MSI2: variants seen among roughly 807,000 people sequenced by gnomAD.
MSI2 encodes the protein RNA-binding protein Musashi homolog 2.
Under a neutral mutation model 45.6 loss-of-function variants are expected in MSI2, and 17 were observed. The ratio of observed to expected loss-of-function variants is 0.37; its 90% confidence interval spans 0.26 to 0.56. The LOEUF is 0.56. Among genes scored for constraint, MSI2 ranks in the 20% least tolerant of loss-of-function variants. The probability of loss-of-function intolerance (pLI) is 0.77; values close to 1 mark genes in which losing one functional copy is unlikely to be tolerated. For synonymous variants in MSI2, 156 were observed against 158.2 expected, an observed-to-expected ratio of 0.99 and a Z score of 0.11; for missense variants, 293 against 444.2, an observed-to-expected ratio of 0.66 and a Z score of 3.06.
chr17:57,538,165 T>C lies in MSI2; in HGVS notation c.454+8441T>C, dbSNP rs148903726. ...TGTGGAGATCTGAAGAGAAAGGAGC[T>C]TTTAGCATGGCAGCTTGATTAAAAG... On this transcript the variant is annotated intron_variant, in intron 7 of 13. Transcript: ENST00000284073. Among the ~76,000 whole-genome samples the C allele has an allele frequency of 6.0e-3, 917 of 152,158 alleles. 30 individuals carry two copies. The highest frequency in any genetic ancestry group is 0.048 in the Admixed American group (739 of 15,290).
At position 57,632,171 on chromosome 17, in the gene MSI2, T is replaced by C. The variant is rs1909441641; in HGVS notation, c.727+4868T>C. On this transcript the variant is annotated intron_variant, in intron 10 of 13. Coordinates refer to ENST00000284073, the MANE Select transcript of MSI2 (RefSeq NM_138962.4). ...GAAGCTAGGAAGAAGACATCAAATG[T>C]TTTTAAGTCATGACCAAACAGGCTT... 2.6e-6 allele frequency: 3 copies of C among 1,175,758 alleles called. No individual in the cohort carries two copies. In the Admixed American group the frequency reaches 1.4e-4, roughly 53 times the overall value. The allele number at this position is 1,175,758 out of a possible 1,614,324, so 72.8% of individuals were successfully genotyped here.
At chr17:57,451,369 G>A (rs1238705031) in intron 6 of MSI2, among the ~76,000 whole-genome samples, 5 of 152,292 alleles carry the variant, frequency 3.3e-5, no homozygotes, top group East Asian at 1.9e-4. Flanking sequence ...GAGATCCTTC[G>A]CTAAATAAGT....
intron 8 of MSI2, among the ~76,000 whole-genome samples, chr17:57,602,962 T>C (rs1463021106): frequency 6.6e-6 from 1 of 152,210 alleles, no homozygotes; most frequent in Non-Finnish European, 1.5e-5. Context: ...CCACTGCTAA[T>C]GACAGATAAT....
intron 10 of MSI2, among the ~76,000 whole-genome samples, chr17:57,644,000 T>C (rs1488376147): frequency 6.6e-6 from 1 of 152,134 alleles, no homozygotes; most frequent in Non-Finnish European, 1.5e-5. Context: ...GCCTGTCATT[T>C]TCCCAGCTGC....
In MSI2 at chr17:57,257,078, G is replaced by T; in HGVS notation, c.63-20G>T. On this transcript the variant is annotated intron_variant, in intron 1 of 13. Transcript: ENST00000284073. ...CGATCTGACATCGGTGCTCACTTCT[G>T]TTATGTTTTCTCCCTCTAGTAAAAT... is the stretch of plus-strand genomic sequence containing the variant. 7.1e-7 allele frequency: 1 copy of T among 1,416,192 alleles called. No homozygotes were observed. The highest frequency in any genetic ancestry group is 1.5e-5 in the African/African-American group (1 of 65,932). The allele number at this position is 1,416,192 out of a possible 1,614,324, so 87.7% of individuals were successfully genotyped here.
intron 11 of MSI2, among the ~76,000 whole-genome samples, chr17:57,673,644 G>A (rs1422130504): frequency 6.6e-6 from 1 of 152,166 alleles, no homozygotes; most frequent in Non-Finnish European, 1.5e-5. Context: ...AGAAATAAAG[G>A]TGAGACAAAA....
chr17:57,462,663 CT>C (rs1385767441), intron 6 of MSI2, among the ~76,000 whole-genome samples: 3 of 152,184 alleles, frequency 2.0e-5, no homozygotes, highest in African/African-American at 7.2e-5. Context: ...CTGAATAAGC[CT>C]TATCACTTAA....
intron 6 of MSI2, among the ~76,000 whole-genome samples, chr17:57,528,102 C>A (rs1427710075): frequency 6.6e-6 from 1 of 150,446 alleles, no homozygotes; most frequent in East Asian, 2.0e-4. Flanking sequence ...AGTTTTACCC[C>A]CCCTACAGCC....
rs1481892305 is a variant in MSI2, at chr17:57,485,265, C to T, written c.406-44411C>T. Among the ~76,000 whole-genome samples, 6 of 152,202 alleles carry T rather than the reference C, an allele frequency of 3.9e-5. No individual in the cohort carries two copies. The East Asian group carries it at 9.6e-4, about 24-fold the overall frequency. On this transcript the variant is annotated intron_variant, in intron 6 of 13. Transcript: ENST00000284073. The stretch of plus-strand genomic sequence containing the variant: ...GTTGCTTTTAGCACAAGTTTCACAG[C>T]GAGGAACAGGGACTCTGCCCTCAGT...
At chr17:57,397,113 T>C (rs1427515900) in intron 5 of MSI2, among the ~76,000 whole-genome samples, 1 of 152,188 alleles carries the variant, frequency 6.6e-6, no homozygotes, top group African/African-American at 2.4e-5. Flanking sequence ...CTGAGCATTT[T>C]GGGATGCAGT....
chr17:57,316,938 G>C (rs550406299), intron 5 of MSI2, among the ~76,000 whole-genome samples: 9 of 143,658 alleles, frequency 6.3e-5, no homozygotes, highest in Admixed American at 6.2e-4. Flanking sequence ...CTTTGAGGCA[G>C]GAAAAAAAAA....
intron 7 of MSI2, among the ~76,000 whole-genome samples, chr17:57,574,828 CTTTTTT>C (rs34704876): frequency 1.3e-3 from 166 of 128,400 alleles, no homozygotes; most frequent in African/African-American, 4.6e-3. Context: ...CTCTCTCTCT[CTTTTTT>C]TTTTTTTTTT....
intron 9 of MSI2, chr17:57,618,135 C>G (rs1294516067): frequency 6.6e-6 from 1 of 151,540 alleles, no homozygotes; most frequent in Admixed American, 6.6e-5. Flanking sequence ...GCACCTATGG[C>G]CTCAGCTACC....
In MSI2 at chr17:57,280,908, G is replaced by A. The variant is rs957718275; in HGVS notation, c.312+18716G>A. ...TTTGGCCATGGGGAGCACTTAATGA[G>A]TTTTAGGGTGGGGGTGGCCAGGTCA... On this transcript the variant is annotated intron_variant, in intron 5 of 13. Transcript: ENST00000284073. This position sits in a 1 kb window ranked among gnomAD's most constrained non-coding sequence, Gnocchi z 4.2. 3.9e-5 allele frequency among the ~76,000 whole-genome samples: 6 copies of A among 152,048 alleles called. No individual in the cohort carries two copies. Among genetic ancestry groups the A allele is most frequent in the Admixed American group, 6.5e-5 (1 of 15,284 alleles).
At chr17:57,643,919 C>G (rs1321437587) in intron 10 of MSI2, among the ~76,000 whole-genome samples, 1 of 152,368 alleles carries the variant, frequency 6.6e-6, no homozygotes, top group South Asian at 2.1e-4. Context: ...CAACCTCTCA[C>G]CCTTCCCAGC....
intron 11 of MSI2, among the ~76,000 whole-genome samples, chr17:57,668,574 G>C (rs1912545692): frequency 6.6e-6 from 1 of 151,732 alleles, no homozygotes; most frequent in East Asian, 1.9e-4. Context: ...CATTTGGAAT[G>C]TCTGTGTGAT....
chr17:57,451,458 A>G (rs915852871), intron 6 of MSI2, among the ~76,000 whole-genome samples: 5 of 152,240 alleles, frequency 3.3e-5, no homozygotes, highest in Non-Finnish European at 7.3e-5. Flanking sequence ...CATGCTGATC[A>G]GCCCATCGTG....
Position 57,458,043 on chromosome 17 carries a change from T to C in MSI2, c.405+56572T>C, listed in dbSNP as rs534768742. 9.9e-5 allele frequency among the ~76,000 whole-genome samples: 15 copies of C among 152,218 alleles called. No individual in the cohort carries two copies. The East Asian group carries it at 2.7e-3, about 27-fold the overall frequency. On this transcript the variant is annotated intron_variant, in intron 6 of 13. Transcript: ENST00000284073. ...ATAAAAATAGATATCAGATACCATA[T>C]TGCATATATATAAGTACATATTTTA...
intron 5 of MSI2, among the ~76,000 whole-genome samples, chr17:57,368,164 A>T (rs957750642): frequency 3.3e-5 from 5 of 152,174 alleles, no homozygotes; most frequent in Non-Finnish European, 7.3e-5. Flanking sequence ...CCTTTTATGA[A>T]TATACAGTAG....
Sources: gnomAD v4.1 joint callset for allele counts (sites outside exome capture counted in the v4.1 genomes callset) on GRCh38, gnomAD v4.1.1 for gene constraint, Gnocchi (gnomAD v3.1) non-coding constraint, MANE v1.5 for transcripts, NCBI Gene and HGNC (gene_info 2026-07-23, HGNC 2026-07-21) for gene names.